The following CEMIP variants were observed in gnomAD, a reference collection of about 807,000 sequenced individuals.
The protein encoded by CEMIP is cell migration inducing hyaluronidase 1.
A neutral mutation model predicts 156.9 loss-of-function variants in CEMIP; 105 were observed. That is an observed-to-expected ratio of 0.67 (90% confidence interval 0.57 to 0.79). The LOEUF is 0.79. CEMIP is among the 30% of genes least tolerant of loss of function. The pLI is 0.00. For missense variants in CEMIP, 1,457 were observed against 1,769.4 expected, an observed-to-expected ratio of 0.82 and a Z score of 3.17; for synonymous variants, 676 against 668.4, an observed-to-expected ratio of 1.01 and a Z score of -0.17.
At chr15:80,878,990 G>C (rs1249082505) in intron 4 of CEMIP, 123 bp downstream of exon 4, 1 of 1,295,258 alleles carries the variant, frequency 7.7e-7, no homozygotes, top group African/African-American at 1.5e-5. Context: ...GGTTCATGTT[G>C]GCATTTGGTT....
intron 26 of CEMIP, 65 bp from the exon 27 acceptor site, chr15:80,942,186 A>T: frequency 6.6e-7 from 1 of 1,505,580 alleles, no homozygotes; most frequent in African/African-American, 1.4e-5. Context: ...GACTGGGGAT[A>T]CGGGAAGAGG....
At chr15:80,922,627 G>C (rs1360234437) in intron 17 of CEMIP, among the ~76,000 whole-genome samples, 3 of 152,250 alleles carry the variant, frequency 2.0e-5, no homozygotes, top group African/African-American at 7.2e-5. Flanking sequence ...ATGGGTTGCT[G>C]CATCTGCACA....
rs1252606878 is a variant in CEMIP, at chr15:80,879,798, T to C, written c.324T>C (p.His108=). Residue 108 remains histidine, a synonymous_variant, in exon 5 of 30, where the codon CAT becomes CAC. Transcript: ENST00000394685. ...TGATTGACAACGGAGGAGAGCTGCA[T>C]GCTGGGAGTGCCCTCTGCCCTTTCC... ...HILIDNGGEL[H]AGSALCPFQG... is the part of the protein sequence containing the mutation. 3 of 1,614,090 alleles carry C rather than the reference T, an allele frequency of 1.9e-6. No homozygotes were observed. The highest frequency in any genetic ancestry group is 2.7e-5 in the African/African-American group (2 of 74,940).
At chr15:80,875,166 T>C (rs909196629) in intron 3 of CEMIP, among the ~76,000 whole-genome samples, 2 of 151,408 alleles carry the variant, frequency 1.3e-5, no homozygotes, top group African/African-American at 4.9e-5. Context: ...CCCTAGTAGC[T>C]GGGACCACAG....
At chr15:80,933,852 G>T (rs115287348) in intron 23 of CEMIP, among the ~76,000 whole-genome samples, 6,018 of 152,150 alleles carry the variant, frequency 0.04, 183 homozygotes, top group Middle Eastern at 0.13. Flanking sequence ...TGTTTCATCA[G>T]CCTTATCCAA....
At chr15:80,869,703 C>T (rs984132582) in intron 1 of CEMIP, among the ~76,000 whole-genome samples, 1 of 152,200 alleles carries the variant, frequency 6.6e-6, no homozygotes, top group Admixed American at 6.5e-5. Context: ...TCCGATTCCT[C>T]TCTGTACCTC....
At chr15:80,841,935 C>T (rs568073716) in intron 1 of CEMIP, 29 of 265,498 alleles carry the variant, frequency 1.1e-4, no homozygotes, top group African/African-American at 5.4e-4. Context: ...TAATTCCTGG[C>T]GGGGATTACA....
intron 1 of CEMIP, among the ~76,000 whole-genome samples, chr15:80,826,064 C>T (rs571745910): frequency 6.6e-6 from 1 of 152,206 alleles, no homozygotes; most frequent in African/African-American, 2.4e-5. Flanking sequence ...TGTGCAACTC[C>T]ATCCAATCAT....
intron 1 of CEMIP, among the ~76,000 whole-genome samples, chr15:80,795,043 C>G (rs1203815945): frequency 1.3e-5 from 2 of 151,256 alleles, no homozygotes; most frequent in Admixed American, 6.6e-5. Flanking sequence ...GGCCTCAAGA[C>G]AGAGAGTGAG....
chr15:80,823,382 G>A (rs1431443317), intron 1 of CEMIP, among the ~76,000 whole-genome samples: 3 of 152,212 alleles, frequency 2.0e-5, no homozygotes, highest in Admixed American at 1.3e-4. Context: ...TGCCGTCAGT[G>A]AGAGGAATCT....
rs372648489 is a variant in CEMIP, at chr15:80,813,566, G to A, written c.-176+33952G>A. 3.4e-4 allele frequency among the ~76,000 whole-genome samples: 52 copies of A among 152,028 alleles called. 1 individual carries two copies. In the South Asian group the frequency reaches 9.8e-3, roughly 29 times the overall value. ...TCACTATGTTGGCCAGGCTGGTCTC[G>A]AATTCCTGTCCTCAGGTGATCCACC... On this transcript the variant is annotated intron_variant, in intron 1 of 29. Coordinates refer to ENST00000394685, the MANE Select transcript of CEMIP (RefSeq NM_001293298.2).
At chr15:80,795,682 C>T (rs888037494) in intron 1 of CEMIP, among the ~76,000 whole-genome samples, 2 of 152,096 alleles carry the variant, frequency 1.3e-5, no homozygotes, top group African/African-American at 4.8e-5. Flanking sequence ...ACCTATAATC[C>T]CAGTGCTTTG....
intron 1 of CEMIP, among the ~76,000 whole-genome samples, chr15:80,796,685 A>G (rs919446575): frequency 1.3e-5 from 2 of 152,178 alleles, no homozygotes; most frequent in Admixed American, 6.5e-5. Flanking sequence ...TGCTTAGACC[A>G]TTTATTCAGC....
At chr15:80,926,819 TGGGG>T (rs573787196) in intron 19 of CEMIP, among the ~76,000 whole-genome samples, 3 of 23,304 alleles carry the variant, frequency 1.3e-4, no homozygotes, top group Admixed American at 6.3e-4. Context: ...ACTGAGCGGG[TGGGG>T]GGGGGGGGTC....
chr15:80,908,238 T>C (rs1899888883), intron 13 of CEMIP, among the ~76,000 whole-genome samples: 1 of 152,112 alleles, frequency 6.6e-6, no homozygotes, highest in Admixed American at 6.6e-5. Flanking sequence ...CCCTTTTCAA[T>C]CCTGAGACCA....
At chr15:80,947,796 A>C (rs1901627267) in intron 29 of CEMIP, 1 of 152,558 alleles carries the variant, frequency 6.6e-6, no homozygotes, top group Non-Finnish European at 1.5e-5. Flanking sequence ...TTACTCATTA[A>C]TAACCTGTGC....
chr15:80,856,820 C>T (rs1418643110), intron 1 of CEMIP, among the ~76,000 whole-genome samples: 1 of 152,194 alleles, frequency 6.6e-6, no homozygotes, highest in African/African-American at 2.4e-5. Context: ...TTTATCAGAA[C>T]CCATTTTCTT....
At chr15:80,791,319 A>G (rs948798501) in intron 1 of CEMIP, among the ~76,000 whole-genome samples, 5 of 152,096 alleles carry the variant, frequency 3.3e-5, no homozygotes, top group African/African-American at 1.2e-4. Context: ...CTCCCTCCCA[A>G]GGGTGGTGTT....
chr15:80,799,111 C>T (rs188205943), intron 1 of CEMIP, among the ~76,000 whole-genome samples: 1 of 152,334 alleles, frequency 6.6e-6, no homozygotes, highest in Admixed American at 6.5e-5. Flanking sequence ...GGGAATTCAG[C>T]CAGACATTTG....
Sources: allele counts gnomAD v4.1 joint callset (sites outside exome capture counted in the v4.1 genomes callset), GRCh38; gene constraint gnomAD v4.1.1; transcripts MANE v1.5; gene names NCBI Gene and HGNC (gene_info 2026-07-23, HGNC 2026-07-21).